The following TTC28 variants were observed in gnomAD, a reference collection of about 807,000 sequenced individuals.
TTC28 encodes tetratricopeptide repeat protein 28.
A neutral mutation model predicts 198.0 loss-of-function variants in TTC28; 61 were observed. That is an observed-to-expected ratio of 0.31 (90% CI 0.25 to 0.38). The LOEUF (loss-of-function observed/expected upper bound fraction) is 0.38, where lower values mean the gene tolerates loss of function less well. TTC28 is among the 10% of genes least tolerant of loss of function. The probability of loss-of-function intolerance (pLI) is 1.00; values close to 1 mark genes in which losing one functional copy is unlikely to be tolerated. For missense variants in TTC28, 2,678 were observed against 3,164.0 expected (o/e 0.85, Z 3.69); for synonymous variants, 1,171 against 1,297.8 (o/e 0.90, Z 2.10).
chr22:28,541,906 C>T (rs993246329), intron 2 of TTC28, among the ~76,000 whole-genome samples: 1 of 151,844 alleles, frequency 6.6e-6, no homozygotes, highest in East Asian at 1.9e-4. Flanking sequence ...TATAGCAAGA[C>T]CCCCATGTCT....
At chr22:28,292,842 G>C (rs2044813503) in intron 5 of TTC28, among the ~76,000 whole-genome samples, 1 of 152,166 alleles carries the variant, frequency 6.6e-6, no homozygotes, top group African/African-American at 2.4e-5. Context: ...GTCCCTCAAA[G>C]GGAGTAACCC....
intron 2 of TTC28, among the ~76,000 whole-genome samples, chr22:28,574,635 C>T (rs1057318556): frequency 2.0e-5 from 3 of 152,164 alleles, no homozygotes; most frequent in Admixed American, 6.5e-5. Context: ...AATTTACATT[C>T]CCACAAACGG....
At chr22:28,582,412 G>A (rs1007889312) in intron 2 of TTC28, among the ~76,000 whole-genome samples, 1 of 152,108 alleles carries the variant, frequency 6.6e-6, no homozygotes, top group Non-Finnish European at 1.5e-5. Context: ...GGAAGACATG[G>A]CTGGTAACAG....
chr22:28,114,614 C>T (rs1451081079), intron 6 of TTC28, among the ~76,000 whole-genome samples: 2 of 149,228 alleles, frequency 1.3e-5, no homozygotes, highest in Non-Finnish European at 1.5e-5. Flanking sequence ...GGGTCCCACT[C>T]TGTCACCTAT....
chr22:28,342,625 A>G (rs1471976438), intron 2 of TTC28, among the ~76,000 whole-genome samples: 1 of 152,226 alleles, frequency 6.6e-6, no homozygotes. Context: ...TGATACACAA[A>G]AAACGGTGGT....
At chr22:27,990,955 G>T (rs962741734) in intron 19 of TTC28, 143 bp from the exon 20 acceptor site, 5 of 802,226 alleles carry the variant, frequency 6.2e-6, no homozygotes, top group Non-Finnish European at 9.7e-6. Flanking sequence ...GGAGGGGAGA[G>T]GAGCAAGAGT....
At chr22:28,472,223 T>G (rs2048105261) in intron 2 of TTC28, among the ~76,000 whole-genome samples, 1 of 152,322 alleles carries the variant, frequency 6.6e-6, no homozygotes, top group Admixed American at 6.5e-5. Context: ...GAGTTTCTTC[T>G]TGATTTCCCT....
chr22:28,523,631 G>A (rs2048950340), intron 2 of TTC28, among the ~76,000 whole-genome samples: 1 of 152,146 alleles, frequency 6.6e-6, no homozygotes, highest in African/African-American at 2.4e-5. Context: ...AGCCCAGTGA[G>A]AGAGATGCAT....
intron 1 of TTC28, among the ~76,000 whole-genome samples, chr22:28,663,320 C>G (rs1055187371): frequency 7.9e-5 from 12 of 151,018 alleles, no homozygotes; most frequent in African/African-American, 2.7e-4. Context: ...GGAACAGCTC[C>G]GGTCTACAGC....
chr22:28,222,272 G>T (rs1045181216), intron 5 of TTC28, among the ~76,000 whole-genome samples: 3 of 152,210 alleles, frequency 2.0e-5, no homozygotes, highest in Non-Finnish European at 4.4e-5. Context: ...CTGATCACCA[G>T]ATGTGAGAGG....
chr22:28,590,010 C>T (rs2050394897), intron 2 of TTC28, among the ~76,000 whole-genome samples: 1 of 123,092 alleles, frequency 8.1e-6, no homozygotes, highest in Non-Finnish European at 1.7e-5. Flanking sequence ...GCACTCCAGC[C>T]TGGGCAACAG....
At chr22:28,088,283 C>T (rs1397033449) in intron 12 of TTC28, among the ~76,000 whole-genome samples, 1 of 152,046 alleles carries the variant, frequency 6.6e-6, no homozygotes, top group Non-Finnish European at 1.5e-5. Context: ...CTACAGTAAC[C>T]AAAACAGCAT....
chr22:28,161,046 T>C (rs1185917280), intron 6 of TTC28, among the ~76,000 whole-genome samples: 1 of 152,176 alleles, frequency 6.6e-6, no homozygotes, highest in African/African-American at 2.4e-5. Flanking sequence ...AAGAGATCAC[T>C]GCTGATTTTC....
chr22:28,385,373 C>A (rs1018817781), intron 2 of TTC28, among the ~76,000 whole-genome samples: 1 of 150,398 alleles, frequency 6.6e-6, no homozygotes, highest in Non-Finnish European at 1.5e-5. Context: ...GCTAGGATTA[C>A]AAGGCTTCAG....
chr22:28,605,392 T>C (rs16986548), intron 2 of TTC28, among the ~76,000 whole-genome samples: 6,629 of 152,296 alleles, frequency 0.044, 165 homozygotes, highest in African/African-American at 0.059. Context: ...ATAGAAAAGT[T>C]ACCAATCAAA....
At chr22:28,217,492 A>G (rs1029079463) in intron 5 of TTC28, among the ~76,000 whole-genome samples, 2 of 152,226 alleles carry the variant, frequency 1.3e-5, no homozygotes. Flanking sequence ...AATATCAGGA[A>G]ATTTATTTTC....
intron 5 of TTC28, among the ~76,000 whole-genome samples, chr22:28,259,600 T>C (rs1220052353): frequency 6.6e-6 from 1 of 152,036 alleles, no homozygotes; most frequent in Non-Finnish European, 1.5e-5. Context: ...CAGATCAATG[T>C]ATGTTTCTAT....
At position 28,022,786 on chromosome 22, in the gene TTC28, A is replaced by G. The variant is rs558003062; in HGVS notation, c.4073+7440T>C. ...TCAATGGAAAAATTAATTGGCAAAT[A>G]CATTATATTTAAGTAACCAGAGATG... On this transcript the variant is annotated intron_variant, in intron 13 of 22. Transcript: ENST00000397906. Among the ~76,000 whole-genome samples, 3 of 152,384 alleles carry G rather than the reference A, an allele frequency of 2.0e-5. No homozygotes were observed. In the East Asian group the frequency reaches 5.8e-4, roughly 29 times the overall value.
chr22:28,291,437 AT>A (rs1251450112), intron 5 of TTC28, among the ~76,000 whole-genome samples: 1 of 152,232 alleles, frequency 6.6e-6, no homozygotes, highest in Non-Finnish European at 1.5e-5. Flanking sequence ...AAAGCTCTTT[AT>A]AAAAGAAATT....
Sources: allele counts gnomAD v4.1 joint callset (sites outside exome capture counted in the v4.1 genomes callset), GRCh38; gene constraint gnomAD v4.1.1; transcripts MANE v1.5; gene names NCBI Gene and HGNC (gene_info 2026-07-23, HGNC 2026-07-21).